Variants in CLNK observed in about 807,000 individuals in gnomAD.
CLNK encodes the protein cytokine-dependent hematopoietic cell linker.
CLNK carries 74 observed loss-of-function variants against 68.6 expected under a neutral mutation model. That is an observed-to-expected ratio of 1.08 (90% CI 0.89 to 1.31). CLNK has a LOEUF of 1.31. Among genes scored for constraint, CLNK ranks in the 50% most tolerant of loss-of-function variants. The pLI is 0.00. For synonymous variants in CLNK, 198 were observed against 172.2 expected (o/e 1.15, Z -1.17); for missense variants, 553 against 515.3 (o/e 1.07, Z -0.71).
rs1008793573 is a variant in CLNK, at chr4:10,566,135, C to T, written c.166G>A (p.Ala56Thr). ...PLLDWERNFAAVLDGAKGHSD... is the reference protein window; with the variant it reads ...PLLDWERNFATVLDGAKGHSD... Reference sequence around the variant, plus strand: ...TGGCCTTTTGCTCCATCCAGGACTGCAGCAAAGTTTCTTTCCTAAGCAGGT... The same window carrying T: ...TGGCCTTTTGCTCCATCCAGGACTGTAGCAAAGTTTCTTTCCTAAGCAGGT... Residue 56 changes from alanine (A) to threonine (T), a missense_variant, in exon 6 of 19, where the codon GCA becomes ACA. Coordinates refer to ENST00000226951, the MANE Select transcript of CLNK (RefSeq NM_052964.4). 1 of 1,613,428 alleles carries T rather than the reference C, an allele frequency of 6.2e-7. No individual in the cohort carries two copies. Among genetic ancestry groups the T allele is most frequent in the Admixed American group, 1.7e-5 (1 of 59,986 alleles).
intron 2 of CLNK, among the ~76,000 whole-genome samples, chr4:10,638,182 C>A (rs983364038): frequency 6.6e-6 from 1 of 152,184 alleles, no homozygotes; most frequent in Non-Finnish European, 1.5e-5. Context: ...ACACCGACTG[C>A]AGAGAGACAT....
rs185389609 is a variant in CLNK, at chr4:10,682,866, T to C, written c.-43+1802A>G. ...ATAGGGCTATACAACTGTGGAATAT[T>C]ACCATTCTCTAATGAGATTATTAAA... On this transcript the variant is annotated intron_variant, in intron 1 of 18. Transcript: ENST00000226951. Among the ~76,000 whole-genome samples the C allele has an allele frequency of 5.9e-5, 9 of 152,336 alleles. No homozygotes were observed. In the East Asian group the frequency reaches 1.7e-3, roughly 29 times the overall value.
At chr4:10,669,559 G>GTACTACCAGTTT (rs2108894841) in intron 1 of CLNK, among the ~76,000 whole-genome samples, 1 of 152,264 alleles carries the variant, frequency 6.6e-6, no homozygotes, top group Admixed American at 6.5e-5. Flanking sequence ...TTGGTAGCTG[G>GTACTACCAGTTT]GATGTTGGTA....
intron 3 of CLNK, among the ~76,000 whole-genome samples, chr4:10,588,914 G>A (rs1721082629): frequency 6.6e-6 from 1 of 152,042 alleles, no homozygotes; most frequent in African/African-American, 2.4e-5. Flanking sequence ...TGGAAGGGTG[G>A]GTTGCCAAGG....
intron 3 of CLNK, among the ~76,000 whole-genome samples, chr4:10,589,481 C>T (rs1721106220): frequency 1.3e-5 from 2 of 152,152 alleles, no homozygotes; most frequent in African/African-American, 4.8e-5. Context: ...GATTATGCAC[C>T]CTGGGGCTCT....
At chr4:10,545,993 T>A (rs1266394245) in intron 8 of CLNK, among the ~76,000 whole-genome samples, 3 of 152,102 alleles carry the variant, frequency 2.0e-5, no homozygotes, top group Non-Finnish European at 4.4e-5. Flanking sequence ...AGCGCCCCAG[T>A]CCTATCCCCT....
chr4:10,718,404 C>G, the CLNK span, among the ~76,000 whole-genome samples: 1 of 151,898 alleles, frequency 6.6e-6, no homozygotes, highest in Non-Finnish European at 1.5e-5. Context: ...AAGAGAGAAA[C>G]AATATCATAT....
At chr4:10,559,155 A>G (rs1719792202) in intron 7 of CLNK, among the ~76,000 whole-genome samples, 1 of 152,172 alleles carries the variant, frequency 6.6e-6, no homozygotes, top group African/African-American at 2.4e-5. Flanking sequence ...GAAGATGAAG[A>G]TCATAAAGGG....
the CLNK span, among the ~76,000 whole-genome samples, chr4:10,732,567 T>A: frequency 6.6e-6 from 1 of 152,156 alleles, no homozygotes; most frequent in Non-Finnish European, 1.5e-5. Context: ...AAGCTCTGAA[T>A]GGGGACTAGC....
intron 14 of CLNK, among the ~76,000 whole-genome samples, chr4:10,523,445 C>T (rs975212548): frequency 6.6e-5 from 10 of 152,148 alleles, no homozygotes; most frequent in African/African-American, 7.2e-5. Flanking sequence ...GATGTGATTA[C>T]GCAGGCCTTA....
At chr4:10,606,796 A>T (rs1721810499) in intron 2 of CLNK, among the ~76,000 whole-genome samples, 2 of 152,188 alleles carry the variant, frequency 1.3e-5, no homozygotes, top group Non-Finnish European at 2.9e-5. Context: ...ATCTATATAT[A>T]CACACACACA....
chr4:10,635,451 G>A (rs1577186270), intron 2 of CLNK, among the ~76,000 whole-genome samples: 1 of 152,148 alleles, frequency 6.6e-6, no homozygotes, highest in East Asian at 1.9e-4. Flanking sequence ...GGCCAAGAGA[G>A]AGGAGGCCTT....
intron 16 of CLNK, among the ~76,000 whole-genome samples, chr4:10,510,754 C>G (rs1234856041): frequency 1.3e-5 from 2 of 152,240 alleles, no homozygotes; most frequent in Admixed American, 6.5e-5. Flanking sequence ...AATAAGCCCT[C>G]TATCTATCAG....
chr4:10,646,512 A>G (rs1358205275), intron 2 of CLNK, among the ~76,000 whole-genome samples: 1 of 152,228 alleles, frequency 6.6e-6, no homozygotes, highest in African/African-American at 2.4e-5. Flanking sequence ...AGATGCGTCC[A>G]AGAAAATTCA....
chr4:10,616,509 T>C (rs1248251329), intron 2 of CLNK, among the ~76,000 whole-genome samples: 1 of 152,186 alleles, frequency 6.6e-6, no homozygotes, highest in East Asian at 1.9e-4. Flanking sequence ...TCCTCATATT[T>C]CTTTGTTGTT....
Position 10,633,065 on chromosome 4 carries a change from G to T in CLNK, c.11+34794C>A, listed in dbSNP as rs562716278. ...CAATTCTCCTGTCTCAGCCTCCTGA[G>T]TATCTGGGATTACAGGCATGTGCTA... On this transcript the variant is annotated intron_variant, in intron 2 of 18. Coordinates refer to ENST00000226951, the MANE Select transcript of CLNK (RefSeq NM_052964.4). 3.3e-5 allele frequency among the ~76,000 whole-genome samples: 5 copies of T among 152,274 alleles called. No homozygotes were observed. In the East Asian group the frequency reaches 9.6e-4, roughly 29 times the overall value.
At chr4:10,502,803 G>T (rs1717108593) in intron 17 of CLNK, among the ~76,000 whole-genome samples, 1 of 152,128 alleles carries the variant, frequency 6.6e-6, no homozygotes, top group South Asian at 2.1e-4. Context: ...GGCCAGTATA[G>T]GGCAAGGAAG....
chr4:10,625,385 A>C (rs1231933978), intron 2 of CLNK, among the ~76,000 whole-genome samples: 1 of 152,216 alleles, frequency 6.6e-6, no homozygotes, highest in Non-Finnish European at 1.5e-5. Context: ...TGCTTTTCTC[A>C]CTGCCTCTGC....
At chr4:10,542,406 C>CATA in intron 8 of CLNK, 126 bp from the exon 9 acceptor site, 1 of 685,776 alleles carries the variant, frequency 1.5e-6, no homozygotes, top group Non-Finnish European at 2.5e-6. Context: ...TTAATATTTG[C>CATA]TGAGATCATA....
Sources: allele counts gnomAD v4.1 joint callset (sites outside exome capture counted in the v4.1 genomes callset), GRCh38; gene constraint gnomAD v4.1.1; transcripts MANE v1.5; gene names NCBI Gene and HGNC (gene_info 2026-07-23, HGNC 2026-07-21).